The following ZC4H2 variants were observed in gnomAD, a reference collection of about 807,000 sequenced individuals.
The protein encoded by ZC4H2 is zinc finger C4H2 domain-containing protein.
For synonymous variants in ZC4H2, 84 were observed against 66.3 expected, an observed-to-expected ratio of 1.27 and a Z score of -1.30; for missense variants, 137 against 173.9, an observed-to-expected ratio of 0.79 and a Z score of 1.19.
chrX:64,942,338 C>A (rs1038388795), intron 1 of ZC4H2, among the ~76,000 whole-genome samples: 1 of 110,757 alleles, frequency 9.0e-6, no homozygotes, highest in Non-Finnish European at 1.9e-5. Flanking sequence ...CCAAAACCAG[C>A]TCCTAGATTC....
At chrX:65,029,431 C>T (rs751487650) in intron 1 of ZC4H2, among the ~76,000 whole-genome samples, 1 of 111,502 alleles carries the variant, frequency 9.0e-6, no homozygotes, top group African/African-American at 3.3e-5. Flanking sequence ...GTAAGATAAC[C>T]ACTTTTGAGA....
rs1928942464 is a variant in ZC4H2 at position 64,916,644 on chromosome X, G to C, written c.*1139C>G. 1 of 111,309 alleles carries C rather than the reference G, an allele frequency of 9.0e-6. No individual in the cohort carries two copies. Among genetic ancestry groups the C allele is most frequent in the Non-Finnish European group, 1.9e-5 (1 of 53,010 alleles). 9.2% of individuals were successfully genotyped at this position (111,309 alleles called of 1,213,427 possible). On this transcript the variant is annotated 3_prime_UTR_variant, in exon 5 of 5. Transcript: ENST00000374839. ...GCCCCCATCCCCATCCCTTATCTTCGAGTGACCTTACCAGGAAACCTGGCT... is the reference window on the plus strand; with the variant it reads ...GCCCCCATCCCCATCCCTTATCTTCCAGTGACCTTACCAGGAAACCTGGCT...
intron 1 of ZC4H2, among the ~76,000 whole-genome samples, chrX:65,025,430 C>A (rs975440314): frequency 2.7e-5 from 3 of 110,917 alleles, no homozygotes; most frequent in African/African-American, 9.9e-5. Flanking sequence ...TATTGCTTTC[C>A]TTCAGATTTT....
At chrX:64,933,081 T>C (rs765528729) in intron 1 of ZC4H2, among the ~76,000 whole-genome samples, 13 of 111,934 alleles carry the variant, frequency 1.2e-4, no homozygotes, top group African/African-American at 2.6e-4. Context: ...TGTATTTGTC[T>C]GTTTGGGTTA....
chrX:64,961,972 C>T (rs1228972783), intron 1 of ZC4H2, among the ~76,000 whole-genome samples: 1 of 111,526 alleles, frequency 9.0e-6, no homozygotes, highest in African/African-American at 3.2e-5. Flanking sequence ...TCACTGGTGG[C>T]TTCTGACAGA....
At chrX:65,025,538 T>C (rs1042179606) in intron 1 of ZC4H2, among the ~76,000 whole-genome samples, 1 of 111,762 alleles carries the variant, frequency 8.9e-6, no homozygotes, top group Non-Finnish European at 1.9e-5. Context: ...TGGAGAAATA[T>C]ACCACTCCTC....
chrX:64,938,500 C>T (rs1930117719), intron 1 of ZC4H2, among the ~76,000 whole-genome samples: 2 of 111,819 alleles, frequency 1.8e-5, no homozygotes, highest in South Asian at 7.5e-4. Context: ...AATTTCAGGC[C>T]AATATCCCTG....
intron 1 of ZC4H2, among the ~76,000 whole-genome samples, chrX:65,025,968 T>G (rs955447018): frequency 1.8e-5 from 2 of 111,947 alleles, no homozygotes; most frequent in African/African-American, 6.5e-5. Context: ...TAAATCTGAA[T>G]TGATGCCAGT....
chrX:64,979,233 C>G (rs1401900053), upstream of ZC4H2, among the ~76,000 whole-genome samples: 1 of 111,815 alleles, frequency 8.9e-6, no homozygotes, highest in Non-Finnish European at 1.9e-5. Context: ...CTGTATCAAG[C>G]TGCTGCTGCT....
intron 1 of ZC4H2, among the ~76,000 whole-genome samples, chrX:64,973,486 AATATAAATGT>A (rs774856892): frequency 2.5e-4 from 27 of 109,798 alleles, no homozygotes; most frequent in Non-Finnish European, 4.9e-4. Context: ...CCCAGTTTAC[AATATAAATGT>A]GTTAAATATT....
intron 1 of ZC4H2, among the ~76,000 whole-genome samples, chrX:64,961,333 T>G (rs1162470806): frequency 1.8e-5 from 2 of 111,738 alleles, no homozygotes; most frequent in Non-Finnish European, 3.8e-5. Flanking sequence ...CTATTACTAT[T>G]TCTGGAAGTT....
At chrX:65,024,346 T>G (rs1215701627) in intron 1 of ZC4H2, among the ~76,000 whole-genome samples, 1 of 111,517 alleles carries the variant, frequency 9.0e-6, no homozygotes, top group Non-Finnish European at 1.9e-5. Flanking sequence ...GAATGGCTAT[T>G]ATTAAAGTCA....
At chrX:64,940,357 C>T (rs1331896811) in intron 1 of ZC4H2, among the ~76,000 whole-genome samples, 1 of 111,153 alleles carries the variant, frequency 9.0e-6, no homozygotes, top group Non-Finnish European at 1.9e-5. Flanking sequence ...CTGTAGGTTG[C>T]CTGTTCACTC....
intron 1 of ZC4H2, among the ~76,000 whole-genome samples, chrX:65,019,262 G>A (rs922446049): frequency 1.8e-5 from 2 of 111,955 alleles, no homozygotes; most frequent in Admixed American, 9.4e-5. Flanking sequence ...AGCAGGGGCC[G>A]AAAGACACCT....
At chrX:65,022,098 C>T (rs1932840879) in intron 1 of ZC4H2, among the ~76,000 whole-genome samples, 1 of 111,834 alleles carries the variant, frequency 8.9e-6, no homozygotes, top group Non-Finnish European at 1.9e-5. Context: ...ACCAGAGGTA[C>T]AAAAAGCAGC....
At chrX:64,944,150 T>A (rs1477578942) in intron 1 of ZC4H2, among the ~76,000 whole-genome samples, 1 of 101,457 alleles carries the variant, frequency 9.9e-6, no homozygotes, top group African/African-American at 3.6e-5. Context: ...TCTTTTTTTT[T>A]TTTTTTTTGA....
At chrX:64,950,777 C>T (rs1383213896) in intron 1 of ZC4H2, among the ~76,000 whole-genome samples, 2 of 110,819 alleles carry the variant, frequency 1.8e-5, no homozygotes, top group African/African-American at 6.6e-5. Context: ...ATACAGCACA[C>T]TGATGGCTCT....
chrX:64,994,763 A>C, intron 1 of ZC4H2, among the ~76,000 whole-genome samples: 1 of 111,778 alleles, frequency 8.9e-6, no homozygotes, highest in Middle Eastern at 4.7e-3. Flanking sequence ...GCCCAGTAGT[A>C]GGTGAAAATA....
chrX:64,918,769 G>C, intron 4 of ZC4H2: 1 of 252,530 alleles, frequency 4.0e-6, no homozygotes. Context: ...TTACATCTTT[G>C]TGTAAGAGTC....
Sources: gnomAD v4.1 joint callset for allele counts (sites outside exome capture counted in the v4.1 genomes callset) on GRCh38, gnomAD v4.1.1 for gene constraint, MANE v1.5 for transcripts, NCBI Gene and HGNC (gene_info 2026-07-23, HGNC 2026-07-21) for gene names.